The following MS4A15 variants were observed in gnomAD, a reference collection of about 807,000 sequenced individuals.
The protein encoded by MS4A15 is membrane spanning 4-domains A15.
Under a neutral mutation model 20.6 loss-of-function variants are expected in MS4A15, and 22 were observed. That is an observed-to-expected ratio of 1.07 (90% confidence interval 0.76 to 1.52). The LOEUF (loss-of-function observed/expected upper bound fraction) is 1.52, where lower values mean the gene tolerates loss of function less well. Among genes scored for constraint, MS4A15 ranks in the 40% most tolerant of loss-of-function variants. The pLI, the probability that MS4A15 is intolerant of heterozygous loss-of-function variation, is 0.00. For missense variants in MS4A15, 312 were observed against 323.0 expected, an observed-to-expected ratio of 0.97 and a Z score of 0.26; for synonymous variants, 129 against 129.3, an observed-to-expected ratio of 1.00 and a Z score of 0.02.
intron 4 of MS4A15, among the ~76,000 whole-genome samples, chr11:60,772,691 T>C (rs531998314): frequency 6.6e-6 from 1 of 152,214 alleles, no homozygotes; most frequent in South Asian, 2.1e-4. Flanking sequence ...CTTGGGGCAG[T>C]TTAACCAGAA....
intron 2 of MS4A15, among the ~76,000 whole-genome samples, chr11:60,765,809 G>A (rs1853871128): frequency 6.6e-6 from 1 of 151,496 alleles, no homozygotes; most frequent in Non-Finnish European, 1.5e-5. Context: ...CCACTGACTT[G>A]TGGCCCATGG....
intron 1 of MS4A15, among the ~76,000 whole-genome samples, chr11:60,763,187 G>C (rs937821143): frequency 1.3e-5 from 2 of 152,156 alleles, no homozygotes; most frequent in Admixed American, 1.3e-4. Context: ...TACATCAATG[G>C]TAATTGCTTG....
rs775109043 is a variant in MS4A15 at position 60,763,827 on chromosome 11, T to C, written c.94T>C (p.Ser32Pro). 5.0e-5 allele frequency: 81 copies of C among 1,612,456 alleles called. No individual in the cohort carries two copies. The highest frequency in any genetic ancestry group is 6.7e-5 in the Non-Finnish European group (79 of 1,179,860). ...LCPPPAILPT[S>P]MCQPPGIMQF... ...CCCACCTCCGGCCATTCTGCCCACATCCATGTGCCAACCTCCAGGGATTAT... is the reference window on the plus strand; with the variant it reads ...CCCACCTCCGGCCATTCTGCCCACACCCATGTGCCAACCTCCAGGGATTAT... Residue 32 changes from serine to proline, a missense_variant, in exon 2 of 7, where the codon TCC (serine) becomes CCC (proline). Ser to Pro is a moderately conservative substitution (Grantham distance 74). Transcript: ENST00000405633.
Position 60,771,304 on chromosome 11 carries a change from G to T in MS4A15, c.362G>T (p.Gly121Val). ...CTCCCCATACAGTTCATCATCTCCG[G>T]ATCCCTCTCAGTGGCAGCCGAGAAG... is the stretch of plus-strand genomic sequence containing the variant. The part of the protein sequence containing the change: ...FWGGACFIIS[G>V]SLSVAAEKNH... Residue 121 changes from glycine to valine, a missense_variant, in exon 4 of 7, where the codon GGA becomes GTA. Coordinates refer to ENST00000405633, the MANE Select transcript of MS4A15 (RefSeq NM_001098835.2). 1 of 1,614,030 alleles carries T rather than the reference G, an allele frequency of 6.2e-7. No individual in the cohort carries two copies. Among genetic ancestry groups the T allele is most frequent in the Non-Finnish European group, 8.5e-7 (1 of 1,180,010 alleles).
intron 2 of MS4A15, 29 bp from the exon 3 acceptor site, chr11:60,767,504 G>T: frequency 6.7e-7 from 1 of 1,487,100 alleles, no homozygotes; most frequent in East Asian, 2.7e-5. Flanking sequence ...AACAGGGCCC[G>T]CGGCACTGAG....
intron 6 of MS4A15, among the ~76,000 whole-genome samples, chr11:60,775,317 C>CAAAA (rs1166830368): frequency 8.5e-5 from 1 of 11,822 alleles, no homozygotes; most frequent in Non-Finnish European, 2.0e-4. Context: ...AACTCTGTCT[C>CAAAA]AAAAAAAAAA....
In MS4A15 at chr11:60,773,520, TG is replaced by T. The variant is rs750081928; in HGVS notation, c.498+38del. 9.5e-6 allele frequency: 15 copies of T among 1,575,646 alleles called. No homozygotes were observed. In the African/African-American group the frequency reaches 2.0e-4, roughly 21 times the overall value. On this transcript the variant is annotated intron_variant, in intron 5 of 6. Transcript: ENST00000405633. ...AGATGGCCCTCGGGGTGGGAAAACT[TG>T]GAAAATGATGCAGCCATGTCCAGGA...
At chr11:60,772,433 G>A (rs1315643708) in intron 4 of MS4A15, among the ~76,000 whole-genome samples, 1 of 152,176 alleles carries the variant, frequency 6.6e-6, no homozygotes, top group African/African-American at 2.4e-5. Context: ...ACCAAACCCA[G>A]TGTCCCCCGG....
At chr11:60,765,783 A>G (rs1255753863) in intron 2 of MS4A15, among the ~76,000 whole-genome samples, 12 of 151,806 alleles carry the variant, frequency 7.9e-5, no homozygotes. Flanking sequence ...GGGCACAGAC[A>G]CCAAGGGCCA....
intron 4 of MS4A15, chr11:60,771,637 T>C: frequency 6.9e-7 from 1 of 1,451,192 alleles, no homozygotes; most frequent in Non-Finnish European, 9.2e-7. Flanking sequence ...GTAAGAGTCC[T>C]GCTGGGCCTT....
At chr11:60,772,253 G>A (rs568316961) in intron 4 of MS4A15, among the ~76,000 whole-genome samples, 1 of 152,298 alleles carries the variant, frequency 6.6e-6, no homozygotes, top group African/African-American at 2.4e-5. Context: ...AGGCCGGGGA[G>A]GTGACTCAGA....
At chr11:60,759,272 C>T (rs6591623) in intron 1 of MS4A15, among the ~76,000 whole-genome samples, 142,977 of 152,348 alleles carry the variant, frequency 0.94, 67,207 homozygotes, top group East Asian at 1. Flanking sequence ...ATGTGCTGTA[C>T]TGAATCAAGG....
Position 60,773,502 on chromosome 11 carries a change from C to T in MS4A15, c.498+18C>T, listed in dbSNP as rs200595371. ...CCAACCGGGTGCGTTGTCAGATGGC[C>T]CTCGGGGTGGGAAAACTTGGAAAAT... is the stretch of plus-strand genomic sequence containing the variant. On this transcript the variant is annotated intron_variant, in intron 5 of 6. Transcript: ENST00000405633. The T allele has an allele frequency of 2.3e-4, 366 of 1,609,572 alleles. No individual in the cohort carries two copies. Among genetic ancestry groups the T allele is most frequent in the Non-Finnish European group, 3.0e-4 (347 of 1,176,200 alleles).
chr11:60,766,095 C>T (rs186370304), intron 2 of MS4A15, among the ~76,000 whole-genome samples: 2 of 152,326 alleles, frequency 1.3e-5, no homozygotes, highest in East Asian at 3.9e-4. Context: ...AATAACCTAC[C>T]TCTGGCCAGG....
In MS4A15 at chr11:60,773,136, G is replaced by A. The variant is rs141662093; in HGVS notation, c.406-256G>A. 4.1e-3 allele frequency among the ~76,000 whole-genome samples: 617 copies of A among 152,300 alleles called. 5 individuals are homozygous for A. Among genetic ancestry groups the A allele is most frequent in the African/African-American group, 0.014 (589 of 41,556 alleles). ...CCAGAAAGGCTGTAAAGGAGGTGGT[G>A]CCCTTCTCCCTAGCAGCTTCCAAGA... is the stretch of plus-strand genomic sequence containing the variant. On this transcript the variant is annotated intron_variant, in intron 4 of 6. Transcript: ENST00000405633.
intron 3 of MS4A15, among the ~76,000 whole-genome samples, chr11:60,769,065 A>G (rs1250510322): frequency 6.6e-6 from 1 of 152,202 alleles, no homozygotes; most frequent in Non-Finnish European, 1.5e-5. Flanking sequence ...CCATGGGGAG[A>G]AATCACAACA....
At chr11:60,771,408 C>T (rs1006161395) in intron 4 of MS4A15, 61 bp downstream of exon 4, 23 of 1,604,060 alleles carry the variant, frequency 1.4e-5, no homozygotes, top group East Asian at 2.2e-5. Flanking sequence ...CTCACTCTAC[C>T]CTGCCCCTCC....
In MS4A15 at chr11:60,771,082, T is replaced by A. The variant is rs191419136; in HGVS notation, c.349-209T>A. ...CCCATGAGGCCCTGATGATATGACG[T>A]CAATGAAAACACTCACCTTGTAAGC... On this transcript the variant is annotated intron_variant, in intron 3 of 6. Coordinates refer to ENST00000405633, the MANE Select transcript of MS4A15 (RefSeq NM_001098835.2). 3.9e-3 allele frequency among the ~76,000 whole-genome samples: 597 copies of A among 152,278 alleles called. 5 individuals are homozygous for A. Among genetic ancestry groups the A allele is most frequent in the African/African-American group, 0.013 (550 of 41,564 alleles).
At position 60,773,411 on chromosome 11, in the gene MS4A15, C is replaced by T. The variant is rs201439879; in HGVS notation, c.425C>T (p.Thr142Ile). The T allele has an allele frequency of 5.3e-5, 86 of 1,613,284 alleles. 2 individuals are homozygous for T. Among genetic ancestry groups the T allele is most frequent in the Non-Finnish European group, 1.7e-6 (2 of 1,179,848 alleles). The change falls in exon 5 of 7, where the codon ACC becomes ATC. Residue 142 changes from threonine to isoleucine, a missense_variant. Thr to Ile is a moderately conservative substitution (Grantham distance 89). Coordinates refer to ENST00000405633, the MANE Select transcript of MS4A15 (RefSeq NM_001098835.2). ...TSCLVRSSLG[T>I]NILSVMAAFA... ...CTGCAGGTGAGGAGCAGCCTGGGCACCAACATCCTCAGCGTCATGGCGGCC... is the reference window on the plus strand; with the variant it reads ...CTGCAGGTGAGGAGCAGCCTGGGCATCAACATCCTCAGCGTCATGGCGGCC...
Sources: gnomAD v4.1 joint callset for allele counts (sites outside exome capture counted in the v4.1 genomes callset) on GRCh38, gnomAD v4.1.1 for gene constraint, MANE v1.5 for transcripts, NCBI Gene and HGNC (gene_info 2026-07-23, HGNC 2026-07-21) for gene names.